The following HSPA4L variants were observed in gnomAD, a reference collection of about 807,000 sequenced individuals.
The protein encoded by HSPA4L is heat shock protein family A (Hsp70) member 4 like.
Under a neutral mutation model 100.3 loss-of-function variants are expected in HSPA4L, and 48 were observed. The observed-to-expected ratio is 0.48, with a 90% CI of 0.38 to 0.61. HSPA4L has a LOEUF of 0.61. Among genes scored for constraint, HSPA4L ranks in the 20% least tolerant of loss-of-function variants. The probability of loss-of-function intolerance (pLI) is 0.00; values close to 1 mark genes in which losing one functional copy is unlikely to be tolerated. For synonymous variants in HSPA4L, 319 were observed against 328.2 expected (o/e 0.97, Z 0.30); for missense variants, 886 against 988.6 (o/e 0.90, Z 1.39).
chr4:127,822,719 T>C (rs758714407), intron 14 of HSPA4L, 50 bp from the exon 15 acceptor site: 3 of 1,579,210 alleles, frequency 1.9e-6, no homozygotes, highest in African/African-American at 2.7e-5. Context: ...TTGATTTCTA[T>C]TTCCCTAATG....
rs1056142879 is a variant in HSPA4L at position 127,782,363 on chromosome 4, G to A, written c.-188G>A. 3.4e-6 allele frequency: 2 copies of A among 582,388 alleles called. No homozygotes were observed. The highest frequency in any genetic ancestry group is 2.0e-5 in the South Asian group (1 of 50,170). 36.1% of individuals were successfully genotyped at this position (582,388 alleles called of 1,614,324 possible). A position where few individuals can be genotyped will look rare whatever the true frequency, so the allele number is the denominator to read the frequency against. On this transcript the variant is annotated 5_prime_UTR_variant, in exon 1 of 19. Coordinates refer to ENST00000296464, the MANE Select transcript of HSPA4L (RefSeq NM_014278.4). ...GGCTGCGGGACGCGGTGCAGGCTGC[G>A]GCGCTGACGGCCTCTGCTCCTTCCG...
At chr4:127,794,289 A>G (rs1044273042) in intron 2 of HSPA4L, among the ~76,000 whole-genome samples, 155 bp downstream of exon 2, 2 of 151,918 alleles carry the variant, frequency 1.3e-5, no homozygotes, top group African/African-American at 4.8e-5. Flanking sequence ...TTTTTTTAAG[A>G]TATAATTTGC....
rs1732779496 is a variant in HSPA4L, at chr4:127,788,482, C to T, written c.108-5595C>T. The stretch of plus-strand genomic sequence containing the variant: ...AAACAATATCCAGATGTTTTCTTTG[C>T]TGTAGAATTTTGTAGATCCCTTAAT... On this transcript the variant is annotated intron_variant, in intron 1 of 18. Transcript: ENST00000296464. Among the ~76,000 whole-genome samples, 3 of 152,106 alleles carry T rather than the reference C, an allele frequency of 2.0e-5. No individual in the cohort carries two copies. The South Asian group carries it at 6.2e-4, about 32-fold the overall frequency.
intron 8 of HSPA4L, 104 bp downstream of exon 8, chr4:127,804,191 G>T: frequency 2.4e-6 from 2 of 830,992 alleles, no homozygotes; most frequent in South Asian, 1.7e-5. Context: ...TTTTTAAAAA[G>T]ATTTATATTT....
chr4:127,808,646 A>G (rs1011151688), intron 11 of HSPA4L, among the ~76,000 whole-genome samples: 45 of 152,224 alleles, frequency 3.0e-4, no homozygotes, highest in African/African-American at 1.1e-3. Flanking sequence ...TTTCACTCAC[A>G]TGCAAAATGA....
Position 127,839,173 on chromosome 4 carries a change from T to C in HSPA4L, c.*6299T>C, listed in dbSNP as rs1734304170. 6.6e-6 allele frequency: 1 copy of C among 152,226 alleles called. No individual in the cohort carries two copies. Among genetic ancestry groups the C allele is most frequent in the South Asian group, 2.1e-4 (1 of 4,836 alleles). 9.4% of individuals were successfully genotyped at this position (152,226 alleles called of 1,614,324 possible). ...GATTCTTTGCTGCTCTCTGGTTATG[T>C]ATGTGTGTTGTGCATCTTCCTTGTT... is the stretch of plus-strand genomic sequence containing the variant. On this transcript the variant is annotated 3_prime_UTR_variant, in exon 19 of 19. Coordinates refer to ENST00000296464, the MANE Select transcript of HSPA4L (RefSeq NM_014278.4).
intron 12 of HSPA4L, among the ~76,000 whole-genome samples, chr4:127,815,297 A>G (rs913707162): frequency 1.3e-5 from 2 of 152,140 alleles, no homozygotes; most frequent in Admixed American, 6.6e-5. Flanking sequence ...TGTAGGTATA[A>G]TTTAATACAG....
In HSPA4L at chr4:127,799,456, A is replaced by G. The variant is rs1199689857; in HGVS notation, c.429+747A>G. ...CAGAAGCAATCTATAAGGTAGGGAT[A>G]TTATTAACCCTAGTTTTACAGATTC... On this transcript the variant is annotated intron_variant, in intron 4 of 18. Coordinates refer to ENST00000296464, the MANE Select transcript of HSPA4L (RefSeq NM_014278.4). Among the ~76,000 whole-genome samples, 3 of 152,172 alleles carry G rather than the reference A, an allele frequency of 2.0e-5. No homozygotes were observed. In the East Asian group the frequency reaches 5.8e-4, roughly 29 times the overall value.
At chr4:127,824,963 T>C (rs919820069) in intron 16 of HSPA4L, among the ~76,000 whole-genome samples, 123 of 152,072 alleles carry the variant, frequency 8.1e-4, no homozygotes, top group South Asian at 2.7e-3. Flanking sequence ...GGTGAAACCC[T>C]GTCTCTACTA....
At chr4:127,795,689 G>A (rs1732999234) in intron 2 of HSPA4L, 79 bp from the exon 3 acceptor site, 1 of 1,374,624 alleles carries the variant, frequency 7.3e-7, no homozygotes. Flanking sequence ...AAGGAACTTG[G>A]TGGTTGTCAA....
rs564980733 is a variant in HSPA4L at position 127,796,397 on chromosome 4, T to C, written c.306+489T>C. On this transcript the variant is annotated intron_variant, in intron 3 of 18. Coordinates refer to ENST00000296464, the MANE Select transcript of HSPA4L (RefSeq NM_014278.4). ...GTTAACCAAAACATGTTTGTGCTGA[T>C]TTTTTTCAAAAACTAGCCTCATAAC... Among the ~76,000 whole-genome samples, 14 of 152,226 alleles carry C rather than the reference T, an allele frequency of 9.2e-5. No individual in the cohort carries two copies. The South Asian group carries it at 2.7e-3, about 29-fold the overall frequency.
intron 1 of HSPA4L, among the ~76,000 whole-genome samples, chr4:127,788,923 A>T (rs553930613): frequency 6.6e-6 from 1 of 152,358 alleles, no homozygotes; most frequent in South Asian, 2.1e-4. Context: ...GATTACAATG[A>T]TAGCAGAGGG....
At chr4:127,800,476 A>G (rs796309471) in intron 4 of HSPA4L, among the ~76,000 whole-genome samples, 1 of 152,182 alleles carries the variant, frequency 6.6e-6, no homozygotes, top group South Asian at 2.1e-4. Flanking sequence ...TCTTTCAGAA[A>G]AAAAAATTTT....
rs72616949 is a variant in HSPA4L, at chr4:127,783,727, A to G, written c.107+1070A>G. 0.026 allele frequency: 38,862 copies of G among 1,469,232 alleles called. 2,497 individuals carry two copies. The East Asian group carries it at 0.29, about 11-fold the overall frequency. 91.0% of individuals were successfully genotyped at this position (1,469,232 alleles called of 1,614,324 possible). On this transcript the variant is annotated intron_variant, in intron 1 of 18. Transcript: ENST00000296464. ...ACCGTTCTGAATGGTCCAAAATATAATACCTTAACTATACTAAAACAAGGT... is the reference window on the plus strand; with the variant it reads ...ACCGTTCTGAATGGTCCAAAATATAGTACCTTAACTATACTAAAACAAGGT...
intron 14 of HSPA4L, 55 bp downstream of exon 14, chr4:127,820,620 T>C (rs1733786917): frequency 6.5e-7 from 1 of 1,540,654 alleles, no homozygotes; most frequent in Non-Finnish European, 8.8e-7. Context: ...TGAAATTTTG[T>C]AGAAGTCAAT....
intron 13 of HSPA4L, among the ~76,000 whole-genome samples, chr4:127,819,823 A>G (rs1407185469): frequency 6.6e-6 from 1 of 152,216 alleles, no homozygotes; most frequent in Non-Finnish European, 1.5e-5. Context: ...ATGGCCGAAT[A>G]ATACGGCATT....
intron 8 of HSPA4L, 143 bp downstream of exon 8, chr4:127,804,230 A>G (rs1733282191): frequency 1.1e-5 from 7 of 643,654 alleles, no homozygotes; most frequent in Non-Finnish European, 1.6e-5. Flanking sequence ...ATTATAACTC[A>G]TTATTCATAA....
At chr4:127,816,674 T>C (rs1357282453) in intron 12 of HSPA4L, among the ~76,000 whole-genome samples, 1 of 152,190 alleles carries the variant, frequency 6.6e-6, no homozygotes, top group Non-Finnish European at 1.5e-5. Context: ...CTAGAGGCTA[T>C]ATTAGAGCAA....
rs563770043 is a variant in HSPA4L at position 127,807,210 on chromosome 4, A to G, written c.1245-786A>G. On this transcript the variant is annotated intron_variant, in intron 10 of 18. Coordinates refer to ENST00000296464, the MANE Select transcript of HSPA4L (RefSeq NM_014278.4). ...TTATAGTAATAGGATGATATATAGT[A>G]TTAAAGATTGGTTTCTGGGCCACTA... Among the ~76,000 whole-genome samples, 4 of 152,036 alleles carry G rather than the reference A, an allele frequency of 2.6e-5. No individual in the cohort carries two copies. In the South Asian group the frequency reaches 8.3e-4, roughly 31 times the overall value.
Sources: gnomAD v4.1 joint callset for allele counts (sites outside exome capture counted in the v4.1 genomes callset) on GRCh38, gnomAD v4.1.1 for gene constraint, MANE v1.5 for transcripts, NCBI Gene and HGNC (gene_info 2026-07-23, HGNC 2026-07-21) for gene names.